Variants in EIF4EBP1 observed in about 807,000 individuals in gnomAD.
EIF4EBP1 encodes the protein eukaryotic translation initiation factor 4E binding protein 1.
A neutral mutation model predicts 9.2 loss-of-function variants in EIF4EBP1; 5 were observed. That is an observed-to-expected ratio of 0.54 (90% CI 0.28 to 1.14). EIF4EBP1 has a LOEUF of 1.14. Among genes scored for constraint, EIF4EBP1 ranks in the 50% most tolerant of loss-of-function variants. The probability of loss-of-function intolerance (pLI) is 0.09; values close to 1 mark genes in which losing one functional copy is unlikely to be tolerated. For synonymous variants in EIF4EBP1, 62 were observed against 67.0 expected, an observed-to-expected ratio of 0.93 and a Z score of 0.36; for missense variants, 139 against 169.6, an observed-to-expected ratio of 0.82 and a Z score of 1.00.
intron 1 of EIF4EBP1, among the ~76,000 whole-genome samples, chr8:38,035,649 G>A (rs944325424): frequency 6.6e-6 from 1 of 151,294 alleles, no homozygotes; most frequent in Non-Finnish European, 1.5e-5. Flanking sequence ...GGAGAATCCC[G>A]GGTAGCTGGG....
At chr8:38,040,620 G>T (rs1809364414) in intron 1 of EIF4EBP1, among the ~76,000 whole-genome samples, 1 of 152,228 alleles carries the variant, frequency 6.6e-6, no homozygotes, top group South Asian at 2.1e-4. Context: ...GAAGCTCCAA[G>T]ATGGTCTTAC....
chr8:38,050,412 A>G (rs1021397864), intron 1 of EIF4EBP1, among the ~76,000 whole-genome samples: 3 of 152,086 alleles, frequency 2.0e-5, no homozygotes, highest in Admixed American at 6.6e-5. Context: ...ATAGTGGTGC[A>G]GTCTTAGCTC....
chr8:38,030,663 G>T lies in EIF4EBP1; in HGVS notation c.90G>T (p.Pro30=). The T allele has an allele frequency of 6.7e-7, 1 of 1,501,934 alleles. No individual in the cohort carries two copies. The highest frequency in any genetic ancestry group is 8.8e-7 in the Non-Finnish European group (1 of 1,131,630). 93.0% of individuals were successfully genotyped at this position (1,501,934 alleles called of 1,614,324 possible). Residue 30 remains proline, a synonymous_variant, in exon 1 of 3, where the codon CCG becomes CCT. Transcript: ENST00000338825. ...RVVLGDGVQL[P]PGDYSTTPGG... Reference sequence around the variant, plus strand: ...TGCTCGGCGACGGCGTGCAGCTCCCGCCCGGGGACTACAGCACGACCCCCG... The same window carrying T: ...TGCTCGGCGACGGCGTGCAGCTCCCTCCCGGGGACTACAGCACGACCCCCG...
chr8:38,048,279 A>C (rs80180189), intron 1 of EIF4EBP1, among the ~76,000 whole-genome samples: 2,523 of 152,228 alleles, frequency 0.017, 64 homozygotes, highest in African/African-American at 0.056. Flanking sequence ...TTTCAAAAAA[A>C]AAAAAATTTA....
In EIF4EBP1 at chr8:38,060,219, A is replaced by C. The variant is rs1585534141; in HGVS notation, c.*284A>C. 1.9e-6 allele frequency: 1 copy of C among 513,038 alleles called. No homozygotes were observed. The highest frequency in any genetic ancestry group is 2.4e-5 in the South Asian group (1 of 42,104). The allele number at this position is 513,038 out of a possible 1,614,324, so 31.8% of individuals were successfully genotyped here. A position where few individuals can be genotyped will look rare whatever the true frequency, so the allele number is the denominator to read the frequency against. ...AGGGCCAGGAAGTGGACAAGAACGA[A>C]CCCTTCCTTCCGAATGATCAGCAGT... is the stretch of plus-strand genomic sequence containing the variant. On this transcript the variant is annotated 3_prime_UTR_variant, in exon 3 of 3. Coordinates refer to ENST00000338825, the MANE Select transcript of EIF4EBP1 (RefSeq NM_004095.4).
chr8:38,030,541 C>G lies in EIF4EBP1; in HGVS notation c.-33C>G. 1 of 1,486,314 alleles carries G rather than the reference C, an allele frequency of 6.7e-7. No homozygotes were observed. The allele number at this position is 1,486,314 out of a possible 1,614,324, so 92.1% of individuals were successfully genotyped here. A position where few individuals can be genotyped will look rare whatever the true frequency, so the allele number is the denominator to read the frequency against. On this transcript the variant is annotated 5_prime_UTR_variant, in exon 1 of 3. Coordinates refer to ENST00000338825, the MANE Select transcript of EIF4EBP1 (RefSeq NM_004095.4). ...CGAGGCTGGAGGCGCGGGAGGGCAG[C>G]GAGAGGTTCGCGGGTGCAGCGCACA...
intron 1 of EIF4EBP1, among the ~76,000 whole-genome samples, chr8:38,033,718 A>G (rs1388363161): frequency 6.9e-6 from 1 of 144,306 alleles, no homozygotes; most frequent in Admixed American, 7.0e-5. Flanking sequence ...CACTATCTCC[A>G]TTCCTATGAC....
At chr8:38,036,859 A>C (rs1427409120) in intron 1 of EIF4EBP1, among the ~76,000 whole-genome samples, 1 of 152,004 alleles carries the variant, frequency 6.6e-6, no homozygotes, top group East Asian at 1.9e-4. Flanking sequence ...CATGTTGCCC[A>C]GGCTGGCCTC....
chr8:38,045,030 T>A (rs1033051303), intron 1 of EIF4EBP1, among the ~76,000 whole-genome samples: 1 of 152,210 alleles, frequency 6.6e-6, no homozygotes. Flanking sequence ...GTTCCCGGCT[T>A]GTGACATCTT....
intron 1 of EIF4EBP1, among the ~76,000 whole-genome samples, chr8:38,042,243 C>T (rs1427965260): frequency 6.6e-6 from 1 of 152,172 alleles, no homozygotes; most frequent in Non-Finnish European, 1.5e-5. Context: ...ACTCATGTGT[C>T]TGTGCCCAGC....
chr8:38,045,453 C>T (rs1809437022), intron 1 of EIF4EBP1, among the ~76,000 whole-genome samples: 2 of 151,878 alleles, frequency 1.3e-5, no homozygotes, highest in African/African-American at 4.8e-5. Context: ...TATTGTAATC[C>T]CAGAACTTTG....
chr8:38,054,885 G>C (rs921340974), intron 1 of EIF4EBP1, among the ~76,000 whole-genome samples: 1 of 152,156 alleles, frequency 6.6e-6, no homozygotes, highest in Admixed American at 6.5e-5. Context: ...AGGAGATGGA[G>C]GCCCAAAACA....
intron 1 of EIF4EBP1, among the ~76,000 whole-genome samples, chr8:38,045,912 TTTTG>T (rs1371078068): frequency 1.3e-5 from 2 of 151,906 alleles, no homozygotes; most frequent in Non-Finnish European, 2.9e-5. Flanking sequence ...CTAATTTTTT[TTTTG>T]TTTGTTTGAG....
intron 1 of EIF4EBP1, among the ~76,000 whole-genome samples, chr8:38,033,448 C>T (rs1252889637): frequency 2.6e-5 from 4 of 151,592 alleles, no homozygotes; most frequent in Non-Finnish European, 1.5e-5. Flanking sequence ...TGAAACATAA[C>T]TTCCCTCACC....
intron 1 of EIF4EBP1, among the ~76,000 whole-genome samples, chr8:38,051,330 G>A (rs72643058): frequency 1.3e-3 from 191 of 152,212 alleles, no homozygotes; most frequent in Non-Finnish European, 2.1e-3. Context: ...TGTGATTTGG[G>A]GTGACAGTTG....
chr8:38,054,094 C>T (rs1354124830), intron 1 of EIF4EBP1, among the ~76,000 whole-genome samples: 1 of 152,178 alleles, frequency 6.6e-6, no homozygotes, highest in Non-Finnish European at 1.5e-5. Context: ...TGGTTGCTGG[C>T]CCCTGGGCGC....
intron 1 of EIF4EBP1, among the ~76,000 whole-genome samples, chr8:38,055,971 G>T (rs1395920261): frequency 6.6e-6 from 1 of 152,110 alleles, no homozygotes; most frequent in Non-Finnish European, 1.5e-5. Context: ...CTCAGCAGGA[G>T]AGCCCACCCT....
intron 1 of EIF4EBP1, among the ~76,000 whole-genome samples, chr8:38,045,693 A>C (rs1308922263): frequency 2.6e-5 from 4 of 152,178 alleles, no homozygotes; most frequent in Non-Finnish European, 5.9e-5. Context: ...CAGCAGACCG[A>C]GACTCTATCT....
chr8:38,057,413 A>T (rs1279061437), intron 2 of EIF4EBP1, among the ~76,000 whole-genome samples, 153 bp downstream of exon 2: 1 of 152,140 alleles, frequency 6.6e-6, no homozygotes, highest in African/African-American at 2.4e-5. Flanking sequence ...GGGTGAGAGT[A>T]GGGGTGGGGA....
Sources: allele counts gnomAD v4.1 joint callset (sites outside exome capture counted in the v4.1 genomes callset), GRCh38; gene constraint gnomAD v4.1.1; transcripts MANE v1.5; gene names NCBI Gene and HGNC (gene_info 2026-07-23, HGNC 2026-07-21).